Variants in PBX1 observed in about 807,000 individuals in gnomAD.
The protein encoded by PBX1 is PBX homeobox 1.
A neutral mutation model predicts 53.4 loss-of-function variants in PBX1; 6 were observed. The ratio of observed to expected loss-of-function variants is 0.11; its 90% CI spans 0.06 to 0.22. PBX1 has a LOEUF of 0.22. PBX1 is among the 10% of genes least tolerant of loss of function. The probability of loss-of-function intolerance (pLI) is 1.00; values close to 1 mark genes in which losing one functional copy is unlikely to be tolerated. For synonymous variants in PBX1, 204 were observed against 212.3 expected (o/e 0.96, Z 0.34); for missense variants, 251 against 551.4 (o/e 0.46, Z 5.46).
intron 2 of PBX1, among the ~76,000 whole-genome samples, chr1:164,788,728 T>G (rs1269052724): frequency 6.7e-6 from 1 of 148,662 alleles, no homozygotes; most frequent in Non-Finnish European, 1.5e-5. Flanking sequence ...AAATGACTGT[T>G]GTTGGTTTTT....
At chr1:164,863,060 G>GT (rs1461627027) in intron 2 of PBX1, among the ~76,000 whole-genome samples, 2 of 152,114 alleles carry the variant, frequency 1.3e-5, no homozygotes, top group Non-Finnish European at 2.9e-5. Context: ...TTTGTTATTG[G>GT]TACAAGAGCA....
chr1:164,858,812 AG>A (rs1207823673), intron 2 of PBX1, among the ~76,000 whole-genome samples: 1 of 152,228 alleles, frequency 6.6e-6, no homozygotes, highest in Non-Finnish European at 1.5e-5. Context: ...GAAGGGAAGT[AG>A]GCAAAGTTGG....
At chr1:164,809,892 T>C (rs970261949) in intron 5 of PBX1, among the ~76,000 whole-genome samples, 8 of 152,226 alleles carry the variant, frequency 5.3e-5, no homozygotes, top group African/African-American at 1.9e-4. Context: ...GGGAGCCTGT[T>C]AGAAATATAA....
chr1:164,563,932 C>T (rs890292941), intron 2 of PBX1: 6 of 152,072 alleles, frequency 3.9e-5, no homozygotes, highest in South Asian at 2.1e-4. Flanking sequence ...TTCTAGACCT[C>T]GTTTCGTGGA....
chr1:164,819,974 G>T, intron 6 of PBX1, 98 bp from the exon 7 acceptor site: 1 of 689,788 alleles, frequency 1.4e-6, no homozygotes. Context: ...TTATTTGGGG[G>T]GGGTTGCTTT....
At chr1:164,736,959 A>G (rs911596835) in intron 2 of PBX1, among the ~76,000 whole-genome samples, 12 of 152,224 alleles carry the variant, frequency 7.9e-5, no homozygotes, top group African/African-American at 2.9e-4. Flanking sequence ...TTTTCAGCTC[A>G]CAAGTAGTCC....
At chr1:164,610,949 C>T (rs1331812812) in intron 2 of PBX1, among the ~76,000 whole-genome samples, 1 of 152,206 alleles carries the variant, frequency 6.6e-6, no homozygotes, top group Non-Finnish European at 1.5e-5. Context: ...TGAACTTTCT[C>T]TCACCATAAA....
intron 2 of PBX1, among the ~76,000 whole-genome samples, chr1:164,780,753 C>T (rs1667892996): frequency 6.6e-6 from 1 of 152,176 alleles, no homozygotes; most frequent in Non-Finnish European, 1.5e-5. Flanking sequence ...TATCCAGAGA[C>T]TGGTCTAGTG....
intron 2 of PBX1, among the ~76,000 whole-genome samples, chr1:164,665,600 T>TA (rs1660757449): frequency 1.3e-5 from 2 of 152,038 alleles, no homozygotes. Context: ...TTTTTCAGAT[T>TA]AAAAAAACAA....
chr1:164,758,415 C>G (rs1235652645), intron 2 of PBX1, among the ~76,000 whole-genome samples: 1 of 152,116 alleles, frequency 6.6e-6, no homozygotes, highest in Non-Finnish European at 1.5e-5. Flanking sequence ...TCTGAAGAGG[C>G]AGGTTTTAGA....
intron 2 of PBX1, among the ~76,000 whole-genome samples, chr1:164,697,894 CAAG>C (rs1410149418): frequency 6.6e-6 from 1 of 152,194 alleles, no homozygotes; most frequent in Non-Finnish European, 1.5e-5. Flanking sequence ...TTGAACTAGA[CAAG>C]AAGAGACGTA....
At chr1:164,625,887 T>C in intron 2 of PBX1, 1 of 1,004,064 alleles carries the variant, frequency 1.0e-6, no homozygotes, top group Non-Finnish European at 1.2e-6. Context: ...TTCTGTAAAA[T>C]CTATTCTGCA....
intron 2 of PBX1, among the ~76,000 whole-genome samples, chr1:164,733,367 T>C (rs1357544187): frequency 2.0e-5 from 3 of 152,118 alleles, no homozygotes; most frequent in African/African-American, 7.2e-5. Context: ...CCATGGAACC[T>C]TGGGTCCTGT....
At chr1:164,646,864 G>C (rs1166306048) in intron 2 of PBX1, among the ~76,000 whole-genome samples, 1 of 152,234 alleles carries the variant, frequency 6.6e-6, no homozygotes, top group Non-Finnish European at 1.5e-5. Flanking sequence ...ATGTGTAGTG[G>C]AATGCCATTG....
chr1:164,877,358 T>C lies in PBX1; in HGVS notation n.258-21830T>C, dbSNP rs557617421. On this transcript the variant is annotated intron_variant and non_coding_transcript_variant, in intron 2 of 2. Transcript: ENST00000558796. Reference sequence around the variant, plus strand: ...AACCCTTTGTTTAATGTGCCAGATTTTGAGGGTATAAAAGTAGCTCAAGGC... The same window carrying C: ...AACCCTTTGTTTAATGTGCCAGATTCTGAGGGTATAAAAGTAGCTCAAGGC... Among the ~76,000 whole-genome samples the C allele has an allele frequency of 8.5e-5, 13 of 152,232 alleles. No homozygotes were observed. In the East Asian group the frequency reaches 2.5e-3, roughly 29 times the overall value.
intron 2 of PBX1, among the ~76,000 whole-genome samples, chr1:164,862,403 C>T (rs963489951): frequency 6.6e-6 from 1 of 152,194 alleles, no homozygotes; most frequent in African/African-American, 2.4e-5. Context: ...TAGCACTCAT[C>T]CTATTGCGTT....
Position 164,567,132 on chromosome 1 carries a change from C to T in PBX1, c.265+3821C>T, listed in dbSNP as rs181549077. Among the ~76,000 whole-genome samples, 10 of 152,104 alleles carry T rather than the reference C, an allele frequency of 6.6e-5. No homozygotes were observed. In the East Asian group the frequency reaches 1.9e-3, roughly 29 times the overall value. The stretch of plus-strand genomic sequence containing the variant: ...AATTACATTATGGGACTTCTCCTCT[C>T]CTCTCCCCTTTAAAGCATTAGAGAA... On this transcript the variant is annotated intron_variant, in intron 2 of 8. Transcript: ENST00000420696.
chr1:164,563,432 C>T, intron 2 of PBX1, 121 bp downstream of exon 2: 5 of 537,860 alleles, frequency 9.3e-6, no homozygotes, highest in South Asian at 2.9e-5. Flanking sequence ...GAAGGTTGAC[C>T]TCATATTCGA....
chr1:164,763,273 A>G (rs1166528309), intron 2 of PBX1, among the ~76,000 whole-genome samples: 2 of 152,210 alleles, frequency 1.3e-5, no homozygotes, highest in African/African-American at 4.8e-5. Flanking sequence ...AGTCTTCCCT[A>G]AAAGGTGATC....
Sources: allele counts gnomAD v4.1 joint callset (sites outside exome capture counted in the v4.1 genomes callset), GRCh38; gene constraint gnomAD v4.1.1; transcripts MANE v1.5; gene names NCBI Gene and HGNC (gene_info 2026-07-23, HGNC 2026-07-21).